The following PARK7 variants were observed in gnomAD, a reference collection of about 807,000 sequenced individuals.
PARK7 encodes the protein Parkinson disease protein 7.
A neutral mutation model predicts 20.5 loss-of-function variants in PARK7; 14 were observed. That is an observed-to-expected ratio of 0.68 (90% confidence interval 0.45 to 1.07). The LOEUF is 1.07. PARK7 is among the 50% of genes least tolerant of loss of function. The pLI, the probability that PARK7 is intolerant of heterozygous loss-of-function variation, is 0.00. For missense variants in PARK7, 234 were observed against 238.1 expected (o/e 0.98, Z 0.11); for synonymous variants, 98 against 84.3 (o/e 1.16, Z -0.89).
intron 4 of PARK7, 78 bp from the exon 5 acceptor site, chr1:7,970,816 T>A: frequency 7.1e-7 from 1 of 1,411,576 alleles, no homozygotes; most frequent in Non-Finnish European, 1.0e-6. Flanking sequence ...AAAATTAAAT[T>A]CTTCCAAAGT....
intron 6 of PARK7, chr1:7,983,000 T>C (rs1640743313): frequency 6.6e-6 from 1 of 152,252 alleles, no homozygotes; most frequent in Non-Finnish European, 1.5e-5. Context: ...TGGTTTCTAA[T>C]GACAGTAAGA....
intron 3 of PARK7, among the ~76,000 whole-genome samples, chr1:7,968,437 T>C (rs1239598289): frequency 2.0e-5 from 3 of 152,164 alleles, no homozygotes; most frequent in African/African-American, 4.8e-5. Context: ...GGGGGGATAC[T>C]AAAATTCTCC....
At chr1:7,964,423 C>T (rs1640283453) in intron 2 of PARK7, among the ~76,000 whole-genome samples, 1 of 152,166 alleles carries the variant, frequency 6.6e-6, no homozygotes, top group African/African-American at 2.4e-5. Context: ...TCCTCTGGTT[C>T]TCAGAAATGA....
Position 7,969,118 on chromosome 1 carries a change from C to T in PARK7, c.193-227C>T, listed in dbSNP as rs554560103. On this transcript the variant is annotated intron_variant, in intron 3 of 6. Coordinates refer to ENST00000338639, the MANE Select transcript of PARK7 (RefSeq NM_007262.5). ...TTATACTACCCCTGCTACTCTGCAG[C>T]GTGGACATCCTTGCATGTCACTACA... 6.3e-4 allele frequency: 323 copies of T among 508,916 alleles called. 2 individuals are homozygous for T. Among genetic ancestry groups the T allele is most frequent in the African/African-American group, 5.3e-3 (275 of 52,102 alleles). 31.5% of individuals were successfully genotyped at this position (508,916 alleles called of 1,614,324 possible).
rs1239881911 is a variant in PARK7 at position 7,962,996 on chromosome 1, GATGAC to G, written c.90+124_90+128del. ...TTTCAAATATACACAAAATTTCAGA[GATGAC>G]ATAAGAATAAATACCTGTTGATCCA... On this transcript the variant is annotated intron_variant, in intron 2 of 6. Transcript: ENST00000338639. 9.8e-6 allele frequency: 8 copies of G among 818,854 alleles called. No homozygotes were observed. The Admixed American group carries it at 1.6e-4, about 16-fold the overall frequency. The allele number at this position is 818,854 out of a possible 1,614,324, so 50.7% of individuals were successfully genotyped here.
rs535144266 is a variant in PARK7 at position 7,969,789 on chromosome 1, A to G, written c.252+385A>G. 2.0e-4 allele frequency among the ~76,000 whole-genome samples: 31 copies of G among 152,276 alleles called. 1 individual carries two copies. The East Asian group carries it at 5.6e-3, about 28-fold the overall frequency. ...GAGACGGGGTTTCACCATGTTGGCCAGTCTGGTCTCAAACTCCTGACCTCG... is the reference window on the plus strand; with the variant it reads ...GAGACGGGGTTTCACCATGTTGGCCGGTCTGGTCTCAAACTCCTGACCTCG... On this transcript the variant is annotated intron_variant, in intron 4 of 6. Coordinates refer to ENST00000338639, the MANE Select transcript of PARK7 (RefSeq NM_007262.5).
chr1:7,976,711 TTTTA>T (rs774845839), intron 5 of PARK7, among the ~76,000 whole-genome samples: 1 of 151,478 alleles, frequency 6.6e-6, no homozygotes, highest in Non-Finnish European at 1.5e-5. Context: ...TAATTTCCCA[TTTTA>T]TTTATTTATT....
At chr1:7,974,860 T>TG (rs1239362505) in intron 5 of PARK7, among the ~76,000 whole-genome samples, 40 of 150,252 alleles carry the variant, frequency 2.7e-4, no homozygotes, top group African/African-American at 9.3e-4. Context: ...CTTTTTTTTT[T>TG]TTTTTTTTGT....
chr1:7,975,746 C>T lies in PARK7; in HGVS notation c.323-1906C>T, dbSNP rs901823968. Among the ~76,000 whole-genome samples, 5 of 152,128 alleles carry T rather than the reference C, an allele frequency of 3.3e-5. No homozygotes were observed. The South Asian group carries it at 6.2e-4, about 19-fold the overall frequency. ...GAGCAGCCTAAAAATTCTCGTTCAC[C>T]GATCACTTTCCTCACTGTGCTATCA... On this transcript the variant is annotated intron_variant, in intron 5 of 6. Coordinates refer to ENST00000338639, the MANE Select transcript of PARK7 (RefSeq NM_007262.5).
At chr1:7,968,326 A>AAAAT (rs1221607282) in intron 3 of PARK7, among the ~76,000 whole-genome samples, 2 of 149,686 alleles carry the variant, frequency 1.3e-5, no homozygotes, top group Non-Finnish European at 3.0e-5. Flanking sequence ...AAAGAAAAGA[A>AAAAT]AAATAAATAA....
At chr1:7,981,226 C>T (rs74053409) in intron 6 of PARK7, among the ~76,000 whole-genome samples, 2,701 of 152,278 alleles carry the variant, frequency 0.018, 80 homozygotes, top group African/African-American at 0.062. Context: ...CCTGTTTCCT[C>T]ATCCGTTGCC....
chr1:7,962,828 G>A lies in PARK7; in HGVS notation c.43G>A (p.Glu15Lys). 1 of 1,612,794 alleles carries A rather than the reference G, an allele frequency of 6.2e-7. No individual in the cohort carries two copies. Among genetic ancestry groups the A allele is most frequent in the African/African-American group, 1.3e-5 (1 of 74,576 alleles). ...RALVILAKGAEEMETVIPVDV... is the reference protein window; with the variant it reads ...RALVILAKGAKEMETVIPVDV... ...TCTGGTCATCCTGGCTAAAGGAGCA[G>A]AGGAAATGGAGACGGTCATCCCTGT... The change falls in exon 2 of 7, where the codon GAG (glutamate) becomes AAG (lysine). Residue 15 changes from glutamate to lysine, a missense_variant. Glu to Lys is a moderately conservative substitution (Grantham distance 56). Transcript: ENST00000338639.
intron 6 of PARK7, among the ~76,000 whole-genome samples, chr1:7,979,217 T>C (rs946008043): frequency 6.6e-6 from 1 of 152,208 alleles, no homozygotes; most frequent in Non-Finnish European, 1.5e-5. Context: ...CTTTTCATTA[T>C]ACTGCATGTT....
intron 2 of PARK7, among the ~76,000 whole-genome samples, chr1:7,965,007 T>C (rs1383393530): frequency 6.6e-6 from 1 of 152,152 alleles, no homozygotes; most frequent in Non-Finnish European, 1.5e-5. Flanking sequence ...ATTTAGCCAG[T>C]GTATTAGCTT....
In PARK7 at chr1:7,985,025, G is replaced by A. The variant is rs751053636; in HGVS notation, c.541G>A (p.Val181Met). Residue 181 changes from valine to methionine, a missense_variant, in exon 7 of 7, where the codon GTG (valine) becomes ATG (methionine). Physicochemically the swap from Val to Met is conservative, Grantham distance 21. Transcript: ENST00000338639. Reference protein sequence around the residue: ...ALNGKEVAAQVKAPLVLKD With the variant: ...ALNGKEVAAQMKAPLVLKD Reference sequence around the variant, plus strand: ...GAATGGCAAGGAGGTGGCGGCTCAAGTGAAGGCTCCACTTGTTCTTAAAGA... The same window carrying A: ...GAATGGCAAGGAGGTGGCGGCTCAAATGAAGGCTCCACTTGTTCTTAAAGA... The A allele has an allele frequency of 1.2e-6, 2 of 1,614,212 alleles. No individual in the cohort carries two copies. Among genetic ancestry groups the A allele is most frequent in the Non-Finnish European group, 1.7e-6 (2 of 1,180,044 alleles).
intron 5 of PARK7, among the ~76,000 whole-genome samples, chr1:7,976,849 T>C (rs1308674631): frequency 1.3e-5 from 2 of 152,048 alleles, no homozygotes; most frequent in African/African-American, 2.4e-5. Flanking sequence ...GCCTCCCGAG[T>C]AGCTGGGACT....
At position 7,965,722 on chromosome 1, in the gene PARK7, G is replaced by C. The variant is rs568762167; in HGVS notation, c.192+297G>C. On this transcript the variant is annotated intron_variant, in intron 3 of 6. Transcript: ENST00000338639. ...GGATGGCTGCATTGTTTTCCCATCA[G>C]TATTTTTCTGGCTTACACAGGCATC... is the stretch of plus-strand genomic sequence containing the variant. 5.3e-5 allele frequency among the ~76,000 whole-genome samples: 8 copies of C among 152,280 alleles called. No homozygotes were observed. In the East Asian group the frequency reaches 1.5e-3, roughly 29 times the overall value.
intron 6 of PARK7, among the ~76,000 whole-genome samples, chr1:7,978,659 A>G (rs950957834): frequency 6.6e-6 from 1 of 152,134 alleles, no homozygotes; most frequent in African/African-American, 2.4e-5. Flanking sequence ...CCTGGGCAAC[A>G]TGGTTAAACT....
intron 5 of PARK7, chr1:7,971,630 T>A (rs1640467017): frequency 6.5e-6 from 1 of 154,198 alleles, no homozygotes; most frequent in Non-Finnish European, 1.4e-5. Flanking sequence ...GTTGTATAGG[T>A]CTTCATTAAA....
Sources: gnomAD v4.1 joint callset for allele counts (sites outside exome capture counted in the v4.1 genomes callset) on GRCh38, gnomAD v4.1.1 for gene constraint, MANE v1.5 for transcripts, NCBI Gene and HGNC (gene_info 2026-07-23, HGNC 2026-07-21) for gene names.